The following ALDH3A1 variants were observed in gnomAD, a reference collection of about 807,000 sequenced individuals.
ALDH3A1 encodes the protein aldehyde dehydrogenase 3 family member A1, also known as aldehyde dehydrogenase, dimeric NADP-preferring.
ALDH3A1 carries 46 observed loss-of-function variants against 49.9 expected under a neutral mutation model. That is an observed-to-expected ratio of 0.92 (90% CI 0.73 to 1.18). The LOEUF is 1.18. ALDH3A1 is among the 50% of genes most tolerant of loss of function. The probability of loss-of-function intolerance (pLI) is 0.00; values close to 1 mark genes in which losing one functional copy is unlikely to be tolerated. For synonymous variants in ALDH3A1, 269 were observed against 253.3 expected (o/e 1.06, Z -0.59); for missense variants, 592 against 611.8 (o/e 0.97, Z 0.34).
chr17:19,743,636 C>T lies in ALDH3A1; in HGVS notation c.163-173G>A. 2 of 1,419,054 alleles carry T rather than the reference C, an allele frequency of 1.4e-6. No individual in the cohort carries two copies. Among genetic ancestry groups the T allele is most frequent in the Non-Finnish European group, 1.8e-6 (2 of 1,091,400 alleles). The allele number at this position is 1,419,054 out of a possible 1,614,324, so 87.9% of individuals were successfully genotyped here. A position where few individuals can be genotyped will look rare whatever the true frequency, so the allele number is the denominator to read the frequency against. ...AGCAGAGCCAGGATTAGCCGTTGGA[C>T]CTGTGGGTCTGAGAGGACCCCTTTC... On this transcript the variant is annotated intron_variant, in intron 2 of 10. Transcript: ENST00000225740. This position sits in a 1 kb window ranked among gnomAD's most constrained non-coding sequence, Gnocchi z 4.4.
In ALDH3A1 at chr17:19,738,006, T is replaced by C; in HGVS notation, c.*215A>G. ...GCATTTGCTGAGTTAGAAAATTGTA[T>C]TCGTCTCTTTATTGGTCTAGAAAGG... On this transcript the variant is annotated 3_prime_UTR_variant, in exon 11 of 11. Transcript: ENST00000225740. The C allele has an allele frequency of 1.3e-6, 2 of 1,482,028 alleles. No individual in the cohort carries two copies. Among genetic ancestry groups the C allele is most frequent in the African/African-American group, 1.4e-5 (1 of 71,960 alleles). The allele number at this position is 1,482,028 out of a possible 1,614,324, so 91.8% of individuals were successfully genotyped here.
chr17:19,745,256 CTGG>C, intron 1 of ALDH3A1, 122 bp from the exon 2 acceptor site: 1 of 1,075,722 alleles, frequency 9.3e-7, no homozygotes. Flanking sequence ...GGCCTTTCCG[CTGG>C]AAGGTCCACT....
Position 19,748,289 on chromosome 17 carries a change from C to A in ALDH3A1, c.-36G>T, listed in dbSNP as rs754834006. 1 of 514,736 alleles carries A rather than the reference C, an allele frequency of 1.9e-6. No homozygotes were observed. The highest frequency in any genetic ancestry group is 3.2e-4 in the Middle Eastern group (1 of 3,134). 31.9% of individuals were successfully genotyped at this position (514,736 alleles called of 1,614,324 possible). On this transcript the variant is annotated 5_prime_UTR_variant, in exon 1 of 11. Transcript: ENST00000225740. The surrounding 1 kb of genome is among the most constrained non-coding windows in gnomAD (Gnocchi z 4.4). ...ACACAGCCTCTCCCGGTAACTGGGGCTCCTGGAACGGCAAGAGCCAAGAGG... is the reference window on the plus strand; with the variant it reads ...ACACAGCCTCTCCCGGTAACTGGGGATCCTGGAACGGCAAGAGCCAAGAGG...
At position 19,739,062 on chromosome 17, in the gene ALDH3A1, C is replaced by A; in HGVS notation, c.1150G>T (p.Gly384Cys). ...ATGACATCGTTGGCCGCCACCCCACCACTGGATGTCTCTGCAATCATCTTC... is the reference window on the plus strand; with the variant it reads ...ATGACATCGTTGGCCGCCACCCCACAACTGGATGTCTCTGCAATCATCTTC... ...IKKMIAETSSGGVAANDVIVH... is the reference protein window; with the variant it reads ...IKKMIAETSSCGVAANDVIVH... Residue 384 changes from glycine to cysteine, a missense_variant, in exon 9 of 11, where the codon GGT becomes TGT. By Grantham distance (159) the Gly-to-Cys change is radical (BLOSUM62 -3). Transcript: ENST00000225740. 6.2e-7 allele frequency: 1 copy of A among 1,613,864 alleles called. No homozygotes were observed. Among genetic ancestry groups the A allele is most frequent in the Non-Finnish European group, 8.5e-7 (1 of 1,179,912 alleles).
chr17:19,738,446 G>C lies in ALDH3A1; in HGVS notation c.1224C>G (p.Ser408Arg), dbSNP rs1029360979. 3 of 1,611,372 alleles carry C rather than the reference G, an allele frequency of 1.9e-6. No individual in the cohort carries two copies. Among genetic ancestry groups the C allele is most frequent in the Non-Finnish European group, 2.5e-6 (3 of 1,178,228 alleles). Residue 408 changes from serine to arginine, a missense_variant, in exon 10 of 11, where the codon AGC becomes AGG. By Grantham distance (110) the Ser-to-Arg change is moderately radical. Coordinates refer to ENST00000225740, the MANE Select transcript of ALDH3A1 (RefSeq NM_000691.5). ...HSLPFGGVGNSGMGSYHGKKS... is the reference protein window; with the variant it reads ...HSLPFGGVGNRGMGSYHGKKS... ...TCTTGCCATGGTAGGATCCCATGCC[G>C]CTGTTCCCTGCGGAGGAGAAGTAAG... is the stretch of plus-strand genomic sequence containing the variant.
Position 19,743,876 on chromosome 17 carries a change from G to C in ALDH3A1, c.163-413C>G, listed in dbSNP as rs113254239. ...GAGCTGGATCCGGGCAGGGTGGAGG[G>C]AGCCAGGCCCTTTAGTTGTCTGGAG... is the stretch of plus-strand genomic sequence containing the variant. On this transcript the variant is annotated intron_variant, in intron 2 of 10. Coordinates refer to ENST00000225740, the MANE Select transcript of ALDH3A1 (RefSeq NM_000691.5). This position sits in a 1 kb window ranked among gnomAD's most constrained non-coding sequence, Gnocchi z 4.4. 1 of 985,018 alleles carries C rather than the reference G, an allele frequency of 1.0e-6. No homozygotes were observed. Among genetic ancestry groups the C allele is most frequent in the Non-Finnish European group, 1.2e-6 (1 of 829,810 alleles). 61.0% of individuals were successfully genotyped at this position (985,018 alleles called of 1,614,324 possible). A position where few individuals can be genotyped will look rare whatever the true frequency, so the allele number is the denominator to read the frequency against.
intron 3 of ALDH3A1, chr17:19,742,932 G>A (rs773973956): frequency 3.1e-5 from 48 of 1,524,900 alleles, no homozygotes; most frequent in African/African-American, 8.2e-5. Flanking sequence ...GTAGAACAGC[G>A]CTGGCCCATT....
At chr17:19,747,998 G>A in intron 1 of ALDH3A1, 1 of 194,112 alleles carries the variant, frequency 5.2e-6, no homozygotes, top group Non-Finnish European at 1.1e-5. Flanking sequence ...TTCCAGTCAT[G>A]GAGTCTGACG....
intron 1 of ALDH3A1, among the ~76,000 whole-genome samples, chr17:19,747,691 C>T (rs572087671): frequency 1.3e-5 from 2 of 152,232 alleles, no homozygotes; most frequent in Admixed American, 1.3e-4. Context: ...CCCCAGAGCC[C>T]GTCGCCTCAC....
intron 8 of ALDH3A1, 150 bp downstream of exon 8, chr17:19,739,358 T>G: frequency 9.9e-7 from 1 of 1,005,212 alleles, no homozygotes; most frequent in Non-Finnish European, 1.4e-6. Flanking sequence ...GATGCTGCTG[T>G]CCTGATCTTA....
In ALDH3A1 at chr17:19,742,124, G is replaced by C. The variant is rs780443108; in HGVS notation, c.569C>G (p.Thr190Arg). 6.2e-6 allele frequency: 10 copies of C among 1,613,992 alleles called. No individual in the cohort carries two copies. In the South Asian group the frequency reaches 1.1e-4, roughly 18 times the overall value. The change falls in exon 5 of 11, where the codon ACG (threonine) becomes AGG (arginine). Residue 190 changes from threonine (T) to arginine (R), a missense_variant. Transcript: ENST00000225740. ...CGTCATGATGATCTTCCCCACCCCC[G>C]TGCTGCCCGTGTACAGGATATGGTC... ...RFDHILYTGS[T>R]GVGKIIMTAA...
At chr17:19,746,993 C>G (rs2086609863) in intron 1 of ALDH3A1, among the ~76,000 whole-genome samples, 1 of 152,154 alleles carries the variant, frequency 6.6e-6, no homozygotes, top group African/African-American at 2.4e-5. Context: ...CCTGCTCCAT[C>G]AGCTGTCAGG....
At position 19,739,541 on chromosome 17, in the gene ALDH3A1, G is replaced by C; in HGVS notation, c.1083C>G (p.Pro361=). 4 of 1,612,808 alleles carry C rather than the reference G, an allele frequency of 2.5e-6. No individual in the cohort carries two copies. The highest frequency in any genetic ancestry group is 3.4e-6 in the Non-Finnish European group (4 of 1,179,658). ...AIQFINQREK[P]LALYMFSSND... Reference sequence around the variant, plus strand: ...TGCTGGAGAACATGTAGAGGGCCAGGGGCTTCTCACGCTGGTTGATGAACT... The same window carrying C: ...TGCTGGAGAACATGTAGAGGGCCAGCGGCTTCTCACGCTGGTTGATGAACT... The change falls in exon 8 of 11, where the codon CCC becomes CCG. Residue 361 remains proline, a synonymous_variant. Transcript: ENST00000225740.
intron 2 of ALDH3A1, chr17:19,744,612 G>C: frequency 2.0e-6 from 2 of 985,394 alleles, no homozygotes; most frequent in Non-Finnish European, 2.4e-6. Flanking sequence ...ATGCCCTCCG[G>C]GGTGCCAAGC....
chr17:19,742,514 T>C (rs1490308906), intron 4 of ALDH3A1, 31 bp downstream of exon 4: 1 of 1,602,530 alleles, frequency 6.2e-7, no homozygotes, highest in Admixed American at 1.7e-5. Context: ...TATGAGGCCA[T>C]GGAGTTACGA....
rs756164830 is a variant in ALDH3A1, at chr17:19,741,204, G to A, written c.696C>T (p.Ile232=). The change falls in exon 6 of 11, where the codon ATC becomes ATT. Residue 232 remains isoleucine (I), a synonymous_variant. Coordinates refer to ENST00000225740, the MANE Select transcript of ALDH3A1 (RefSeq NM_000691.5). ...CACTGTTCATGAATTTCCCCCAGGC[G>A]ATGCGTCTGTGAGAATCCCAGACTG... ...NCDLDVACRR[I]AWGKFMNSGQ... The A allele has an allele frequency of 1.6e-5, 26 of 1,613,536 alleles. No homozygotes were observed. In the Admixed American group the frequency reaches 2.2e-4, roughly 13 times the overall value.
At position 19,742,565 on chromosome 17, in the gene ALDH3A1, T is replaced by G. The variant is rs1271001777; in HGVS notation, c.460A>C (p.Ile154Leu). ...ENMASLLATI[I>L]PQYLDKDLYP... is the part of the protein sequence containing the mutation. Reference sequence around the variant, plus strand: ...CTCACCTTGTCCAGGTACTGGGGGATGATGGTAGCCAGCAGGCTCGCCATG... The same window carrying G: ...CTCACCTTGTCCAGGTACTGGGGGAGGATGGTAGCCAGCAGGCTCGCCATG... Residue 154 changes from isoleucine (I) to leucine (L), a missense_variant, in exon 4 of 11, where the codon ATC becomes CTC. Transcript: ENST00000225740. 3.7e-6 allele frequency: 6 copies of G among 1,613,550 alleles called. No individual in the cohort carries two copies. The highest frequency in any genetic ancestry group is 1.3e-5 in the African/African-American group (1 of 74,850).
intron 6 of ALDH3A1, 141 bp from the exon 7 acceptor site, chr17:19,740,618 C>A: frequency 3.1e-6 from 3 of 973,704 alleles, no homozygotes; most frequent in South Asian, 1.7e-5. Flanking sequence ...GCTTTTTAAT[C>A]TTTTCTAAAT....
intron 10 of ALDH3A1, 23 bp downstream of exon 10, chr17:19,738,300 C>G: frequency 6.2e-7 from 1 of 1,613,760 alleles, no homozygotes; most frequent in African/African-American, 1.3e-5. Context: ...CCGGTCTCCC[C>G]CACAGCGCCT....
Sources: gnomAD v4.1 joint callset for allele counts (sites outside exome capture counted in the v4.1 genomes callset) on GRCh38, gnomAD v4.1.1 for gene constraint, Gnocchi (gnomAD v3.1) non-coding constraint, MANE v1.5 for transcripts, NCBI Gene and HGNC (gene_info 2026-07-23, HGNC 2026-07-21) for gene names.